BMPR1A: variants seen among roughly 807,000 people sequenced by gnomAD.
The protein encoded by BMPR1A is bone morphogenetic protein receptor type 1A.
BMPR1A carries 7 observed loss-of-function variants against 66.0 expected under a neutral mutation model. The observed-to-expected ratio is 0.11, with a 90% CI of 0.06 to 0.20. BMPR1A has a LOEUF of 0.20. Ranked by LOEUF, BMPR1A falls within the 10% of genes least tolerant of loss-of-function variation. BMPR1A has a pLI of 1.00. For synonymous variants in BMPR1A, 200 were observed against 229.7 expected, an observed-to-expected ratio of 0.87 and a Z score of 1.17; for missense variants, 408 against 669.1, an observed-to-expected ratio of 0.61 and a Z score of 4.31.
At chr10:86,815,688 G>GA (rs1268234145) in intron 1 of BMPR1A, among the ~76,000 whole-genome samples, 2 of 152,166 alleles carry the variant, frequency 1.3e-5, no homozygotes, top group Non-Finnish European at 2.9e-5. Context: ...CGATACCCTG[G>GA]AATCTAGGAC....
Position 86,921,702 on chromosome 10 carries a change from G to A in BMPR1A, c.1342+7G>A, listed in dbSNP as rs1057521936. 13 of 1,614,204 alleles carry A rather than the reference G, an allele frequency of 8.1e-6. No individual in the cohort carries two copies. Among genetic ancestry groups the A allele is most frequent in the Non-Finnish European group, 1.1e-5 (13 of 1,180,018 alleles). ...CGTCGTTGTATCACAGGAGGTGGGA[G>A]TTTGAGTAGTTTCTGATTATGTTGA... is the stretch of plus-strand genomic sequence containing the variant. On this transcript the variant is annotated splice_region_variant and intron_variant, in intron 11 of 12. Coordinates refer to ENST00000372037, the MANE Select transcript of BMPR1A (RefSeq NM_004329.3).
chr10:86,866,399 CTTTTTT>C (rs1048293127), intron 2 of BMPR1A, among the ~76,000 whole-genome samples: 5 of 69,476 alleles, frequency 7.2e-5, no homozygotes, highest in Non-Finnish European at 1.4e-4. Context: ...AAGTTTCTTT[CTTTTTT>C]TTTTTTTTTT....
At chr10:86,909,282 A>G (rs373127072) in intron 7 of BMPR1A, among the ~76,000 whole-genome samples, 1 of 152,184 alleles carries the variant, frequency 6.6e-6, no homozygotes, top group South Asian at 2.1e-4. Flanking sequence ...TAAAATGTCA[A>G]TGTAAGGATG....
At chr10:86,825,348 G>A (rs867695383) in intron 1 of BMPR1A, among the ~76,000 whole-genome samples, 1 of 152,030 alleles carries the variant, frequency 6.6e-6, no homozygotes, top group African/African-American at 2.4e-5. Context: ...ATTATATATA[G>A]TATAATTGAA....
At chr10:86,833,117 A>G (rs917937794) in intron 1 of BMPR1A, among the ~76,000 whole-genome samples, 6 of 152,146 alleles carry the variant, frequency 3.9e-5, no homozygotes, top group African/African-American at 1.2e-4. Context: ...CTCTAAAAGA[A>G]CAAAGAAAAA....
intron 2 of BMPR1A, among the ~76,000 whole-genome samples, chr10:86,869,194 C>T (rs1209871833): frequency 6.6e-6 from 1 of 152,172 alleles, no homozygotes; most frequent in East Asian, 1.9e-4. Flanking sequence ...CGGTGGCTCA[C>T]ACCTGTAATC....
rs1008937182 is a variant in BMPR1A at position 86,831,774 on chromosome 10, A to T, written c.-267-7091A>T. 6.8e-4 allele frequency among the ~76,000 whole-genome samples: 103 copies of T among 152,322 alleles called. 1 individual carries two copies. In the Middle Eastern group the frequency reaches 0.014, roughly 20 times the overall value. On this transcript the variant is annotated intron_variant, in intron 1 of 12. Transcript: ENST00000372037. ...GCAAGACCCTGTCTCAAATAAAAAAATAGTGACACTAATCATCCTTGTACA... is the reference window on the plus strand; with the variant it reads ...GCAAGACCCTGTCTCAAATAAAAAATTAGTGACACTAATCATCCTTGTACA...
chr10:86,857,083 A>G (rs1034028702), intron 2 of BMPR1A, among the ~76,000 whole-genome samples: 2 of 152,162 alleles, frequency 1.3e-5, no homozygotes, highest in African/African-American at 4.8e-5. Context: ...TGGTGTGTGT[A>G]GATTTTATAT....
chr10:86,868,031 T>C (rs1321747730), intron 2 of BMPR1A, among the ~76,000 whole-genome samples: 1 of 152,194 alleles, frequency 6.6e-6, no homozygotes, highest in African/African-American at 2.4e-5. Context: ...AACTTCAAAG[T>C]GGTGGAGACA....
chr10:86,790,311 G>A (rs1257431499), intron 1 of BMPR1A, among the ~76,000 whole-genome samples: 2 of 145,600 alleles, frequency 1.4e-5, no homozygotes, highest in East Asian at 4.0e-4. Flanking sequence ...AACAAATGCT[G>A]GTAAGGATAT....
chr10:86,804,671 T>C (rs1462474559), intron 1 of BMPR1A, among the ~76,000 whole-genome samples: 2 of 152,032 alleles, frequency 1.3e-5, no homozygotes, highest in Non-Finnish European at 2.9e-5. Flanking sequence ...TTCCTCAGTC[T>C]TTATTTTGTG....
At chr10:86,879,964 C>G (rs1008115839) in intron 3 of BMPR1A, among the ~76,000 whole-genome samples, 2 of 152,198 alleles carry the variant, frequency 1.3e-5, no homozygotes, top group Non-Finnish European at 1.5e-5. Flanking sequence ...TGCCTTGTCT[C>G]TGGTGTTCCT....
chr10:86,903,401 A>T (rs2133479096), intron 7 of BMPR1A, among the ~76,000 whole-genome samples: 1 of 152,278 alleles, frequency 6.6e-6, no homozygotes, highest in East Asian at 1.9e-4. Context: ...ATGAAATAAT[A>T]TACTAGATGA....
chr10:86,775,784 T>C (rs556928126), intron 1 of BMPR1A, among the ~76,000 whole-genome samples: 11 of 152,352 alleles, frequency 7.2e-5, no homozygotes, highest in Middle Eastern at 3.4e-3. Flanking sequence ...TAACCAGTGT[T>C]GTTACTGTAT....
intron 2 of BMPR1A, among the ~76,000 whole-genome samples, chr10:86,850,208 C>T (rs1842548250): frequency 6.6e-6 from 1 of 152,024 alleles, no homozygotes. Flanking sequence ...GTAATTCCAG[C>T]TCCTTGGGAG....
At chr10:86,833,571 C>A (rs867672267) in intron 1 of BMPR1A, among the ~76,000 whole-genome samples, 1 of 152,092 alleles carries the variant, frequency 6.6e-6, no homozygotes, top group Non-Finnish European at 1.5e-5. Flanking sequence ...TTTTGGCTAA[C>A]GGTGCTGCCA....
At chr10:86,904,079 T>C (rs992326731) in intron 7 of BMPR1A, among the ~76,000 whole-genome samples, 4 of 152,142 alleles carry the variant, frequency 2.6e-5, no homozygotes, top group Non-Finnish European at 5.9e-5. Flanking sequence ...AATTTTTGTA[T>C]TTTTAGTAGA....
intron 2 of BMPR1A, among the ~76,000 whole-genome samples, chr10:86,867,574 A>C (rs1379704687): frequency 6.6e-6 from 1 of 152,224 alleles, no homozygotes; most frequent in Non-Finnish European, 1.5e-5. Flanking sequence ...TGTGTAGTAC[A>C]ATCTAGTTGT....
At chr10:86,816,155 A>G (rs891718153) in intron 1 of BMPR1A, among the ~76,000 whole-genome samples, 2 of 152,250 alleles carry the variant, frequency 1.3e-5, no homozygotes, top group African/African-American at 2.4e-5. Context: ...CCACTAGGCT[A>G]CATGTGGCCA....
Sources: allele counts gnomAD v4.1 joint callset (sites outside exome capture counted in the v4.1 genomes callset), GRCh38; gene constraint gnomAD v4.1.1; transcripts MANE v1.5; gene names NCBI Gene and HGNC (gene_info 2026-07-23, HGNC 2026-07-21).